The following TMEM17 variants were observed in gnomAD, a reference collection of about 807,000 sequenced individuals.
TMEM17 encodes transmembrane protein 17.
A neutral mutation model predicts 19.1 loss-of-function variants in TMEM17; 15 were observed. The observed-to-expected ratio is 0.78, with a 90% CI of 0.52 to 1.21. The LOEUF (loss-of-function observed/expected upper bound fraction) is 1.21. Ranked by LOEUF, TMEM17 falls within the 50% of genes most tolerant of loss-of-function variation. The pLI, the probability that TMEM17 is intolerant of heterozygous loss-of-function variation, is 0.00. For synonymous variants in TMEM17, 103 were observed against 86.9 expected, an observed-to-expected ratio of 1.19 and a Z score of -1.03; for missense variants, 245 against 242.3, an observed-to-expected ratio of 1.01 and a Z score of -0.07.
downstream of TMEM17, among the ~76,000 whole-genome samples, chr2:62,495,691 A>T (rs377285797): frequency 8.5e-5 from 13 of 152,268 alleles, no homozygotes; most frequent in African/African-American, 2.9e-4. Flanking sequence ...CTCCATGCCT[A>T]CTTTGCTATG....
chr2:62,496,721 T>C (rs1470550795), downstream of TMEM17, among the ~76,000 whole-genome samples: 1 of 152,254 alleles, frequency 6.6e-6, no homozygotes, highest in Non-Finnish European at 1.5e-5. Context: ...TTAAAAACTA[T>C]AATCTTAATT....
chr2:62,495,520 CTAGAA>C (rs971188891), downstream of TMEM17, among the ~76,000 whole-genome samples: 13 of 152,134 alleles, frequency 8.5e-5, no homozygotes, highest in Admixed American at 7.9e-4. Flanking sequence ...TCTCTTAAAA[CTAGAA>C]TAAAGATATA....
At chr2:62,485,838 G>A in the TMEM17 span, among the ~76,000 whole-genome samples, 1 of 152,184 alleles carries the variant, frequency 6.6e-6, no homozygotes, top group Non-Finnish European at 1.5e-5. Flanking sequence ...AGTGAACGGT[G>A]CTCCTGAACA....
the TMEM17 span, among the ~76,000 whole-genome samples, chr2:62,494,835 C>T: frequency 6.6e-6 from 1 of 152,058 alleles, no homozygotes; most frequent in South Asian, 2.1e-4. Flanking sequence ...AACCCCGTCT[C>T]TACTAAACAC....
At chr2:62,474,215 T>C in the TMEM17 span, among the ~76,000 whole-genome samples, 1 of 152,346 alleles carries the variant, frequency 6.6e-6, no homozygotes, top group South Asian at 2.1e-4. Flanking sequence ...TTTCCTTTTA[T>C]AAGAGACAAA....
the TMEM17 span, among the ~76,000 whole-genome samples, chr2:62,471,196 G>A: frequency 2.0e-5 from 3 of 152,288 alleles, no homozygotes; most frequent in Non-Finnish European, 4.4e-5. Flanking sequence ...AAGGCTGTAG[G>A]TAGGGAAGCT....
At chr2:62,494,841 A>AAC in the TMEM17 span, among the ~76,000 whole-genome samples, 67 of 151,598 alleles carry the variant, frequency 4.4e-4, 1 homozygote, top group African/African-American at 1.4e-3. Flanking sequence ...GTCTCTACTA[A>AAC]ACACACACAC....
Position 62,502,556 on chromosome 2 carries a change from A to C in TMEM17, c.205-6T>G. The C allele has an allele frequency of 6.4e-7, 1 of 1,561,692 alleles. No individual in the cohort carries two copies. The highest frequency in any genetic ancestry group is 8.7e-7 in the Non-Finnish European group (1 of 1,143,452). On this transcript the variant is annotated splice_polypyrimidine_tract_variant and splice_region_variant and intron_variant, in intron 2 of 3. Transcript: ENST00000335390. ...TAGTCAGGTAAGATTGAATACTAAAAGAAAAGCCAAAACATGTTTGTAAAA... is the reference window on the plus strand; with the variant it reads ...TAGTCAGGTAAGATTGAATACTAAACGAAAAGCCAAAACATGTTTGTAAAA...
chr2:62,477,868 T>C, the TMEM17 span, among the ~76,000 whole-genome samples: 4 of 152,194 alleles, frequency 2.6e-5, no homozygotes, highest in Admixed American at 6.5e-5. Context: ...TCTCCTACCT[T>C]GAGGGGCCGC....
At chr2:62,491,091 A>AAAC in the TMEM17 span, 1 of 151,678 alleles carries the variant, frequency 6.6e-6, no homozygotes, top group Non-Finnish European at 1.5e-5. Flanking sequence ...AAAAAAAAAA[A>AAAC]AAAAAAAAAA....
chr2:62,479,853 C>T, the TMEM17 span, among the ~76,000 whole-genome samples: 154 of 141,490 alleles, frequency 1.1e-3, 1 homozygote, highest in South Asian at 8.5e-3. Context: ...TGCCACTGCA[C>T]TCCACCGTGA....
the TMEM17 span, among the ~76,000 whole-genome samples, chr2:62,478,564 T>C: frequency 0.012 from 1,819 of 152,332 alleles, 41 homozygotes; most frequent in African/African-American, 0.041. Context: ...CTTGCTTGAT[T>C]TAAACAATTG....
chr2:62,499,316 C>G (rs755109541), downstream of TMEM17, among the ~76,000 whole-genome samples: 9 of 152,070 alleles, frequency 5.9e-5, no homozygotes, highest in Non-Finnish European at 1.2e-4. Context: ...GAAAAGTCTC[C>G]ATCATCCCCT....
the TMEM17 span, among the ~76,000 whole-genome samples, chr2:62,454,790 G>A: frequency 3.3e-5 from 5 of 152,228 alleles, no homozygotes; most frequent in African/African-American, 9.6e-5. Context: ...TGCAAGCTCC[G>A]CCTCCTGGGT....
At chr2:62,475,472 C>T in the TMEM17 span, among the ~76,000 whole-genome samples, 4 of 152,264 alleles carry the variant, frequency 2.6e-5, no homozygotes, top group Non-Finnish European at 4.4e-5. Context: ...CACGCCTGGG[C>T]TGTTTTCTAG....
the TMEM17 span, chr2:62,491,185 G>C: frequency 2.6e-5 from 4 of 152,272 alleles, no homozygotes; most frequent in Non-Finnish European, 5.8e-5. Flanking sequence ...TTAGCTGGGC[G>C]TGCTGGAGTG....
At chr2:62,483,331 A>G in the TMEM17 span, among the ~76,000 whole-genome samples, 1 of 152,214 alleles carries the variant, frequency 6.6e-6, no homozygotes, top group African/African-American at 2.4e-5. Context: ...TGTGGGGTGA[A>G]GCAAAAGTCG....
At chr2:62,504,830 T>C (rs976459265) in intron 1 of TMEM17, among the ~76,000 whole-genome samples, 4 of 152,224 alleles carry the variant, frequency 2.6e-5, no homozygotes, top group Admixed American at 1.3e-4. Context: ...CAAATTTCAG[T>C]GTCCATAAAG....
At chr2:62,498,353 C>T (rs536922219), downstream of TMEM17, among the ~76,000 whole-genome samples, 6 of 151,514 alleles carry the variant, frequency 4.0e-5, no homozygotes, top group South Asian at 1.3e-3. Context: ...CGCCACTGCA[C>T]TCCAGCCTGG....
Sources: allele counts gnomAD v4.1 joint callset (sites outside exome capture counted in the v4.1 genomes callset), GRCh38; gene constraint gnomAD v4.1.1; transcripts MANE v1.5; gene names NCBI Gene and HGNC (gene_info 2026-07-23, HGNC 2026-07-21).